Variants in UBTD1 observed in about 807,000 individuals in gnomAD.
UBTD1 encodes ubiquitin domain-containing protein 1.
UBTD1 carries 19 observed loss-of-function variants against 21.7 expected under a neutral mutation model. The ratio of observed to expected loss-of-function variants is 0.87; its 90% CI spans 0.61 to 1.28. The LOEUF (loss-of-function observed/expected upper bound fraction) is 1.28, where lower values mean the gene tolerates loss of function less well. Ranked by LOEUF, UBTD1 falls within the 50% of genes most tolerant of loss-of-function variation. The probability of loss-of-function intolerance (pLI) is 0.00; values close to 1 mark genes in which losing one functional copy is unlikely to be tolerated. For missense variants in UBTD1, 282 were observed against 315.1 expected, an observed-to-expected ratio of 0.89 and a Z score of 0.80; for synonymous variants, 116 against 135.1, an observed-to-expected ratio of 0.86 and a Z score of 0.98.
At chr10:97,530,200 T>TTGAG (rs1554865456) in intron 1 of UBTD1, among the ~76,000 whole-genome samples, 1 of 151,248 alleles carries the variant, frequency 6.6e-6, no homozygotes, top group Admixed American at 6.6e-5. Flanking sequence ...TACATGTTTC[T>TTGAG]TGAATGAATG....
intron 1 of UBTD1, among the ~76,000 whole-genome samples, chr10:97,510,726 C>G (rs992943868): frequency 2.0e-5 from 3 of 152,132 alleles, no homozygotes; most frequent in African/African-American, 4.8e-5. Flanking sequence ...CCTGGGTTAT[C>G]TACTGTTCGA....
chr10:97,548,104 C>T (rs182999538), intron 1 of UBTD1, among the ~76,000 whole-genome samples: 4 of 152,320 alleles, frequency 2.6e-5, no homozygotes, highest in Non-Finnish European at 2.9e-5. Flanking sequence ...GTCATCCACC[C>T]GTGGTCACAA....
chr10:97,530,745 T>TA (rs1304669561), intron 1 of UBTD1, among the ~76,000 whole-genome samples: 1 of 152,122 alleles, frequency 6.6e-6, no homozygotes, highest in Non-Finnish European at 1.5e-5. Context: ...CTCAGCAATA[T>TA]GAATGCTAAT....
At chr10:97,527,296 G>A (rs796393398) in intron 1 of UBTD1, among the ~76,000 whole-genome samples, 14 of 151,492 alleles carry the variant, frequency 9.2e-5, no homozygotes, top group African/African-American at 3.4e-4. Context: ...AGACCAGCCT[G>A]GGCAACCCTA....
rs183523965 is a variant in UBTD1 at position 97,554,105 on chromosome 10, G to A, written c.71-13809G>A. Among the ~76,000 whole-genome samples, 448 of 152,260 alleles carry A rather than the reference G, an allele frequency of 2.9e-3. 4 individuals carry two copies. Among genetic ancestry groups the A allele is most frequent in the African/African-American group, 9.9e-3 (413 of 41,546 alleles). ...ACCATGGAGCTGTGTTTATTTTAAA[G>A]GTCAGTTCTTTAGTCTTCTCAAGAG... On this transcript the variant is annotated intron_variant, in intron 1 of 2. Coordinates refer to ENST00000370664, the MANE Select transcript of UBTD1 (RefSeq NM_024954.5).
rs1311532548 is a variant in UBTD1 at position 97,498,977 on chromosome 10, C to G, written c.-227C>G. The G allele has an allele frequency of 2.1e-6, 1 of 476,482 alleles. No individual in the cohort carries two copies. Among genetic ancestry groups the G allele is most frequent in the Non-Finnish European group, 3.6e-6 (1 of 275,290 alleles). The allele number at this position is 476,482 out of a possible 1,614,324, so 29.5% of individuals were successfully genotyped here. A position where few individuals can be genotyped will look rare whatever the true frequency, so the allele number is the denominator to read the frequency against. ...CCGGCCGGGCACCGTCGCGGGCCCC[C>G]CTGGCCCGGCCACCTGGGACCGTGC... On this transcript the variant is annotated 5_prime_UTR_variant, in exon 1 of 3. Transcript: ENST00000370664.
chr10:97,506,529 G>T (rs1263541676), intron 1 of UBTD1, among the ~76,000 whole-genome samples: 1 of 151,656 alleles, frequency 6.6e-6, no homozygotes, highest in Non-Finnish European at 1.5e-5. Flanking sequence ...GTATGTAACA[G>T]CAAATTTTTC....
intron 1 of UBTD1, among the ~76,000 whole-genome samples, chr10:97,522,830 A>G (rs2040471811): frequency 6.6e-6 from 1 of 152,010 alleles, no homozygotes; most frequent in African/African-American, 2.4e-5. Context: ...GTCTGGAGGG[A>G]GCCAGGGTGT....
intron 1 of UBTD1, among the ~76,000 whole-genome samples, chr10:97,529,788 AGG>A (rs752700051): frequency 6.6e-6 from 1 of 151,658 alleles, no homozygotes. Flanking sequence ...GGAGAGGGAG[AGG>A]GACTGGGACT....
At position 97,520,475 on chromosome 10, in the gene UBTD1, C is replaced by T. The variant is rs543619648; in HGVS notation, c.70+21202C>T. On this transcript the variant is annotated intron_variant, in intron 1 of 2. Transcript: ENST00000370664. ...TTCCCTCCCAGGTCCCACAGAATAA[C>T]AGGGAAACACATGATACTCAGGTAA... Among the ~76,000 whole-genome samples the T allele has an allele frequency of 2.0e-4, 31 of 152,204 alleles. 1 individual carries two copies. Among genetic ancestry groups the T allele is most frequent in the Admixed American group, 1.3e-3 (20 of 15,284 alleles).
intron 1 of UBTD1, among the ~76,000 whole-genome samples, chr10:97,536,008 T>TTATTATTATTATTATTATTATTC (rs1200462477): frequency 5.1e-5 from 1 of 19,502 alleles, no homozygotes; most frequent in South Asian, 1.2e-3. Context: ...TATTATTATT[T>TTATTATTATTATTATTATTATTC]CGAGACAGAA....
chr10:97,532,279 C>T (rs1330684460), intron 1 of UBTD1, among the ~76,000 whole-genome samples: 1 of 152,230 alleles, frequency 6.6e-6, no homozygotes, highest in Non-Finnish European at 1.5e-5. Flanking sequence ...TTCATGCCAT[C>T]TTCCTCCCAA....
chr10:97,514,399 T>G lies in UBTD1; in HGVS notation c.70+15126T>G, dbSNP rs182755368. Among the ~76,000 whole-genome samples the G allele has an allele frequency of 1.8e-4, 28 of 152,322 alleles. No individual in the cohort carries two copies. In the East Asian group the frequency reaches 4.8e-3, roughly 26 times the overall value. On this transcript the variant is annotated intron_variant, in intron 1 of 2. Transcript: ENST00000370664. ...CCCCCAAATTCCTCTCTTTTCCATTTACTGCCCAGTTTCTTAAGCATTTCT... is the reference window on the plus strand; with the variant it reads ...CCCCCAAATTCCTCTCTTTTCCATTGACTGCCCAGTTTCTTAAGCATTTCT...
chr10:97,523,375 C>T (rs2040474731), intron 1 of UBTD1, among the ~76,000 whole-genome samples: 1 of 152,166 alleles, frequency 6.6e-6, no homozygotes, highest in Admixed American at 6.5e-5. Context: ...ATTGTGTTCT[C>T]CCAGCACCTG....
At chr10:97,529,101 C>T (rs912740052) in intron 1 of UBTD1, among the ~76,000 whole-genome samples, 1 of 150,976 alleles carries the variant, frequency 6.6e-6, no homozygotes, top group Non-Finnish European at 1.5e-5. Flanking sequence ...CGCGGCCGGC[C>T]GAGGCACTCC....
At chr10:97,524,285 G>A (rs567358437) in intron 1 of UBTD1, among the ~76,000 whole-genome samples, 1 of 139,598 alleles carries the variant, frequency 7.2e-6, no homozygotes. Flanking sequence ...TTGTAGGGAT[G>A]CGGGGGGGTC....
intron 1 of UBTD1, among the ~76,000 whole-genome samples, chr10:97,548,976 G>A (rs1182522192): frequency 2.6e-5 from 4 of 152,210 alleles, no homozygotes; most frequent in Non-Finnish European, 5.9e-5. Context: ...GGACCAGAGA[G>A]CAGAAAAAGG....
chr10:97,533,770 A>C (rs1033782446), intron 1 of UBTD1, among the ~76,000 whole-genome samples: 1 of 151,988 alleles, frequency 6.6e-6, no homozygotes, highest in African/African-American at 2.4e-5. Flanking sequence ...TAAAAATACG[A>C]AAATTAGCTG....
At chr10:97,502,932 T>A (rs1285678741) in intron 1 of UBTD1, among the ~76,000 whole-genome samples, 1 of 150,182 alleles carries the variant, frequency 6.7e-6, no homozygotes, top group East Asian at 1.9e-4. Flanking sequence ...TTTTTTTTTT[T>A]GAGAGAGAGG....
Sources: gnomAD v4.1 joint callset for allele counts (sites outside exome capture counted in the v4.1 genomes callset) on GRCh38, gnomAD v4.1.1 for gene constraint, MANE v1.5 for transcripts, NCBI Gene and HGNC (gene_info 2026-07-23, HGNC 2026-07-21) for gene names.